The following TOP2B variants were observed in gnomAD, a reference collection of about 807,000 sequenced individuals.
TOP2B encodes DNA topoisomerase 2-beta.
A neutral mutation model predicts 193.5 loss-of-function variants in TOP2B; 51 were observed. The observed-to-expected ratio is 0.26, with a 90% CI of 0.21 to 0.33. The LOEUF is 0.33. Among genes scored for constraint, TOP2B ranks in the 10% least tolerant of loss-of-function variants. The pLI, the probability that TOP2B is intolerant of heterozygous loss-of-function variation, is 1.00. For missense variants in TOP2B, 1,378 were observed against 1,909.3 expected, an observed-to-expected ratio of 0.72 and a Z score of 5.19; for synonymous variants, 634 against 635.7, an observed-to-expected ratio of 1.00 and a Z score of 0.04.
chr3:25,648,516 A>C (rs963990355), intron 1 of TOP2B, among the ~76,000 whole-genome samples: 1 of 152,188 alleles, frequency 6.6e-6, no homozygotes, highest in African/African-American at 2.4e-5. Flanking sequence ...CCCTAACAGA[A>C]AATAACAATA....
rs769790327 is a variant in TOP2B, at chr3:25,601,103, T to C, written c.4612A>G (p.Lys1538Glu). The change falls in exon 34 of 36, where the codon AAA becomes GAA. Residue 1538 changes from lysine to glutamate, a missense_variant. Transcript: ENST00000264331. ...FGIPKKTTTP[K>E]GKGRGAKKRK... ...GTTATAAGAAGATAATCCTCACCTT[T>C]TGGTGTTGTAGTCTTCTTTGGAATG... is the stretch of plus-strand genomic sequence containing the variant. 6.2e-7 allele frequency: 1 copy of C among 1,613,346 alleles called. No homozygotes were observed. The highest frequency in any genetic ancestry group is 1.1e-5 in the South Asian group (1 of 91,026).
intron 20 of TOP2B, 126 bp from the exon 21 acceptor site, chr3:25,623,872 T>C: frequency 1.5e-6 from 1 of 662,516 alleles, no homozygotes; most frequent in Admixed American, 2.9e-5. Context: ...TTAATAATTT[T>C]GATTACATCC....
Position 25,664,210 on chromosome 3 carries a change from C to T in TOP2B, c.69+19G>A, listed in dbSNP as rs1704014777. 10 of 1,539,390 alleles carry T rather than the reference C, an allele frequency of 6.5e-6. No homozygotes were observed. Among genetic ancestry groups the T allele is most frequent in the Non-Finnish European group, 8.7e-6 (10 of 1,146,220 alleles). On this transcript the variant is annotated intron_variant, in intron 1 of 35. Coordinates refer to ENST00000264331, the MANE Select transcript of TOP2B (RefSeq NM_001330700.2). ...GCCCGGAACAATGCAGCCGCCCGTCCCGGGGACCAGCCACTTACCACCCAG... is the reference window on the plus strand; with the variant it reads ...GCCCGGAACAATGCAGCCGCCCGTCTCGGGGACCAGCCACTTACCACCCAG...
chr3:25,606,076 A>G lies in TOP2B; in HGVS notation c.4345T>C (p.Ser1449Pro). Residue 1449 changes from serine to proline, a missense_variant, in exon 32 of 36, where the codon TCA (serine) becomes CCA (proline). This residue lies in a region of TOP2B where 556 missense variants were observed against 584.2 expected (regional missense o/e 0.95). Transcript: ENST00000264331. Reference sequence around the variant, plus strand: ...GACTTCTGAGAATATGAAGGAAATGAGAAGAGATTTCCAAAATCCTGACTT... The same window carrying G: ...GACTTCTGAGAATATGAAGGAAATGGGAAGAGATTTCCAAAATCCTGACTT... Reference protein sequence around the residue: ...KKSQDFGNLFSFPSYSQKSED... With the variant: ...KKSQDFGNLFPFPSYSQKSED... The G allele has an allele frequency of 6.6e-7, 1 of 1,508,978 alleles. No homozygotes were observed. Among genetic ancestry groups the G allele is most frequent in the Non-Finnish European group, 8.9e-7 (1 of 1,120,896 alleles). The allele number at this position is 1,508,978 out of a possible 1,614,324, so 93.5% of individuals were successfully genotyped here. A position where few individuals can be genotyped will look rare whatever the true frequency, so the allele number is the denominator to read the frequency against.
rs1397024084 is a variant in TOP2B, at chr3:25,607,184, T to C, written c.4285A>G (p.Lys1429Glu). ...DEYTFSPGKS[K>E]ATPEKSLHDK... ...AGCATTACTTACTCTGGAGTGGCTT[T>C]TGATTTGCCTGGTGAAAATGTATAT... is the stretch of plus-strand genomic sequence containing the variant. Residue 1429 changes from lysine to glutamate, a missense_variant, in exon 31 of 36, where the codon AAA becomes GAA. Transcript: ENST00000264331. 27 of 1,613,164 alleles carry C rather than the reference T, an allele frequency of 1.7e-5. No individual in the cohort carries two copies. The highest frequency in any genetic ancestry group is 2.0e-5 in the Non-Finnish European group (24 of 1,179,482).
Position 25,601,453 on chromosome 3 carries a change from T to C in TOP2B, c.4490-228A>G, listed in dbSNP as rs1376810554. On this transcript the variant is annotated intron_variant, in intron 33 of 35. Coordinates refer to ENST00000264331, the MANE Select transcript of TOP2B (RefSeq NM_001330700.2). ...GGCCAATACGGTAAAACCCCATCTC[T>C]ACTAAAAATAAAAAAATTAGCCAGG... 6.6e-5 allele frequency among the ~76,000 whole-genome samples: 10 copies of C among 152,114 alleles called. 1 individual carries two copies. The South Asian group carries it at 2.1e-3, about 31-fold the overall frequency.
At chr3:25,609,751 A>G in intron 28 of TOP2B, 39 bp from the exon 29 acceptor site, 1 of 1,428,566 alleles carries the variant, frequency 7.0e-7, no homozygotes, top group Non-Finnish European at 9.2e-7. Context: ...GAGTAAAAAT[A>G]AAAACATCAC....
chr3:25,657,319 T>C (rs1703775028), intron 1 of TOP2B, among the ~76,000 whole-genome samples: 3 of 152,180 alleles, frequency 2.0e-5, no homozygotes, highest in Non-Finnish European at 2.9e-5. Context: ...ATCCCATCCC[T>C]AGAACAGGTA....
chr3:25,624,555 T>C, intron 19 of TOP2B, 110 bp from the exon 20 acceptor site: 8 of 1,527,068 alleles, frequency 5.2e-6, no homozygotes, highest in Non-Finnish European at 7.1e-6. Flanking sequence ...AGAATCTCAC[T>C]AATCTGTATA....
chr3:25,659,138 A>G (rs1299124220), intron 1 of TOP2B, among the ~76,000 whole-genome samples: 2 of 152,102 alleles, frequency 1.3e-5, no homozygotes, highest in African/African-American at 4.8e-5. Flanking sequence ...CCAACCTTTT[A>G]TAATGTCTCC....
chr3:25,600,274 T>C (rs907005513), intron 34 of TOP2B, among the ~76,000 whole-genome samples: 3 of 152,248 alleles, frequency 2.0e-5, no homozygotes, highest in African/African-American at 7.2e-5. Flanking sequence ...AGCAATTTTA[T>C]ATCTTTAAAA....
chr3:25,599,314 A>T, intron 35 of TOP2B, 121 bp downstream of exon 35: 1 of 764,988 alleles, frequency 1.3e-6, no homozygotes, highest in Non-Finnish European at 2.1e-6. Flanking sequence ...TACAAGCCCC[A>T]TATTGATACG....
At chr3:25,637,119 A>C (rs1402331170) in intron 6 of TOP2B, 96 bp downstream of exon 6, 3 of 887,906 alleles carry the variant, frequency 3.4e-6, no homozygotes, top group Non-Finnish European at 5.3e-6. Context: ...AAATGAAGTT[A>C]TACAGGCATC....
intron 1 of TOP2B, among the ~76,000 whole-genome samples, chr3:25,648,490 C>G (rs1484685906): frequency 6.6e-6 from 1 of 152,160 alleles, no homozygotes; most frequent in East Asian, 1.9e-4. Context: ...GTTAGCTAAG[C>G]CTTCAAATGC....
chr3:25,659,059 T>C (rs1003438965), intron 1 of TOP2B, among the ~76,000 whole-genome samples: 3 of 152,124 alleles, frequency 2.0e-5, no homozygotes, highest in Non-Finnish European at 2.9e-5. Context: ...AGAGTGGAAG[T>C]GGGGGCTGGC....
rs540067073 is a variant in TOP2B at position 25,657,519 on chromosome 3, A to G, written c.69+6710T>C. 2.6e-5 allele frequency among the ~76,000 whole-genome samples: 4 copies of G among 152,314 alleles called. No homozygotes were observed. In the South Asian group the frequency reaches 8.3e-4, roughly 32 times the overall value. ...AAAAGAGAACAGCAAATTGCCTTGA[A>G]CAACCACAAACTAGCAAACTCCTAT... On this transcript the variant is annotated intron_variant, in intron 1 of 35. Transcript: ENST00000264331.
At chr3:25,645,858 C>T (rs1304517054) in intron 1 of TOP2B, among the ~76,000 whole-genome samples, 1 of 152,026 alleles carries the variant, frequency 6.6e-6, no homozygotes, top group Non-Finnish European at 1.5e-5. Flanking sequence ...CTCCCAGTTT[C>T]AAGTGATTCT....
rs1702315689 is a variant in TOP2B, at chr3:25,609,472, A to C, written c.3931+96T>G. On this transcript the variant is annotated intron_variant, in intron 29 of 35. Transcript: ENST00000264331. ...TTATGAAAATTGAAGGCATTATTTC[A>C]ACTACCAGAAAAAGAGCACAATCAA... 4 of 1,485,066 alleles carry C rather than the reference A, an allele frequency of 2.7e-6. No individual in the cohort carries two copies. The Admixed American group carries it at 1.0e-4, about 38-fold the overall frequency. The allele number at this position is 1,485,066 out of a possible 1,614,324, so 92.0% of individuals were successfully genotyped here.
At position 25,620,008 on chromosome 3, in the gene TOP2B, C is replaced by G; in HGVS notation, c.2917G>C (p.Ala973Pro). The G allele has an allele frequency of 6.3e-7, 1 of 1,592,448 alleles. No homozygotes were observed. The highest frequency in any genetic ancestry group is 8.6e-7 in the Non-Finnish European group (1 of 1,165,938). ...PMLNGTDKTPALISDYKEYHT... is the reference protein window; with the variant it reads ...PMLNGTDKTPPLISDYKEYHT... ...TATTCTTTATAATCAGAAATTAATG[C>G]TGGTGTTTTATCTGTTCCATTTAGC... The change falls in exon 23 of 36, where the codon GCA becomes CCA. Residue 973 changes from alanine to proline, a missense_variant. Physicochemically the swap from Ala to Pro is conservative, Grantham distance 27. Transcript: ENST00000264331.
Sources: gnomAD v4.1 joint callset for allele counts (sites outside exome capture counted in the v4.1 genomes callset) on GRCh38, gnomAD v4.1.1 for gene constraint, gnomAD v4.1.1 regional missense constraint, MANE v1.5 for transcripts, NCBI Gene and HGNC (gene_info 2026-07-23, HGNC 2026-07-21) for gene names.